HTR1F: variants seen among roughly 807,000 people sequenced by gnomAD.
HTR1F encodes 5-hydroxytryptamine (serotonin) receptor 1F, G protein-coupled.
In HTR1F, 17 loss-of-function variants were observed where a neutral mutation model predicts 24.0. The observed-to-expected ratio is 0.71, with a 90% CI of 0.48 to 1.06. HTR1F has a LOEUF of 1.06. HTR1F is among the 50% of genes least tolerant of loss of function. HTR1F has a pLI of 0.00. For missense variants in HTR1F, 391 were observed against 427.8 expected (o/e 0.91, Z 0.76); for synonymous variants, 186 against 156.8 (o/e 1.19, Z -1.39).
chr3:87,988,609 T>G (rs9855839), intron 2 of HTR1F, among the ~76,000 whole-genome samples: 90,840 of 152,054 alleles, frequency 0.6, 27,388 homozygotes, highest in South Asian at 0.73. Flanking sequence ...TTTGAGATGG[T>G]GTATCGCTCT....
At chr3:87,933,939 T>C (rs988846463) in intron 2 of HTR1F, among the ~76,000 whole-genome samples, 5 of 152,212 alleles carry the variant, frequency 3.3e-5, no homozygotes, top group Non-Finnish European at 7.3e-5. Context: ...GATCAGCCTA[T>C]ACATGTATTC....
intron 1 of HTR1F, among the ~76,000 whole-genome samples, chr3:87,814,387 G>A: frequency 6.6e-6 from 1 of 152,236 alleles, no homozygotes; most frequent in Non-Finnish European, 1.5e-5. Context: ...ATTCATTTGT[G>A]TTAAGAACTC....
At chr3:87,933,265 C>T (rs1423603512) in intron 2 of HTR1F, among the ~76,000 whole-genome samples, 1 of 151,180 alleles carries the variant, frequency 6.6e-6, no homozygotes, top group African/African-American at 2.4e-5. Context: ...TGGGCAAAAA[C>T]TGGAAGCATT....
At chr3:87,892,318 T>A (rs1406484478) in intron 2 of HTR1F, among the ~76,000 whole-genome samples, 2 of 152,190 alleles carry the variant, frequency 1.3e-5, no homozygotes, top group Non-Finnish European at 2.9e-5. Context: ...ACTGGCACTT[T>A]CCCTAGAAGA....
chr3:87,896,823 G>A (rs557946015), intron 2 of HTR1F, among the ~76,000 whole-genome samples: 11 of 152,132 alleles, frequency 7.2e-5, no homozygotes, highest in Non-Finnish European at 1.6e-4. Flanking sequence ...AAAAGATGCT[G>A]TACATCGCTA....
At chr3:87,888,443 T>G (rs1410045892) in intron 2 of HTR1F, among the ~76,000 whole-genome samples, 2 of 151,964 alleles carry the variant, frequency 1.3e-5, no homozygotes, top group Non-Finnish European at 2.9e-5. Flanking sequence ...ATTGTACACA[T>G]GTACCCTAGA....
chr3:87,852,280 A>C lies in HTR1F; in HGVS notation c.-43+30156A>C, dbSNP rs1705104002. Among the ~76,000 whole-genome samples, 2 of 151,522 alleles carry C rather than the reference A, an allele frequency of 1.3e-5. 1 individual carries two copies. Among genetic ancestry groups the C allele is most frequent in the African/African-American group, 4.9e-5 (2 of 41,140 alleles). Reference sequence around the variant, plus strand: ...TTTAGCTTTTATCATCTTCATTACAAATTTTGTATCAAGAATTCTTTATAT... The same window carrying C: ...TTTAGCTTTTATCATCTTCATTACACATTTTGTATCAAGAATTCTTTATAT... On this transcript the variant is annotated intron_variant, in intron 2 of 2. Coordinates refer to ENST00000319595, the MANE Select transcript of HTR1F (RefSeq NM_001322209.2).
At chr3:87,914,948 C>T (rs547265653) in intron 2 of HTR1F, among the ~76,000 whole-genome samples, 2 of 152,040 alleles carry the variant, frequency 1.3e-5, no homozygotes, top group African/African-American at 2.4e-5. Context: ...TATTTCACCC[C>T]CCTACCACCT....
chr3:87,940,286 C>T (rs12487603), intron 2 of HTR1F, among the ~76,000 whole-genome samples: 17,098 of 151,928 alleles, frequency 0.11, 1,189 homozygotes, highest in Non-Finnish European at 0.16. Context: ...TAAAGGCCTT[C>T]GATAAAACTC....
intron 2 of HTR1F, among the ~76,000 whole-genome samples, chr3:87,839,310 C>T (rs1216921210): frequency 1.3e-5 from 2 of 152,050 alleles, no homozygotes; most frequent in African/African-American, 2.4e-5. Flanking sequence ...TTTACCACCA[C>T]CATCTACTGA....
intron 1 of HTR1F, among the ~76,000 whole-genome samples, chr3:87,802,056 C>T: frequency 7.8e-6 from 1 of 127,588 alleles, no homozygotes; most frequent in Non-Finnish European, 1.6e-5. Flanking sequence ...TTCCTTCCTT[C>T]CTTTTCTTTC....
At chr3:87,799,010 A>G (rs1703952467) in intron 1 of HTR1F, among the ~76,000 whole-genome samples, 1 of 152,230 alleles carries the variant, frequency 6.6e-6, no homozygotes, top group Admixed American at 6.5e-5. Flanking sequence ...CAAAACAAAA[A>G]TAGGAAAAAA....
At chr3:87,913,535 A>G (rs1703826219) in intron 2 of HTR1F, among the ~76,000 whole-genome samples, 1 of 152,138 alleles carries the variant, frequency 6.6e-6, no homozygotes, top group South Asian at 2.1e-4. Context: ...TTCCTCAAAG[A>G]CCTAAAAATA....
chr3:87,956,493 T>C (rs939872848), intron 2 of HTR1F, among the ~76,000 whole-genome samples: 12 of 151,528 alleles, frequency 7.9e-5, no homozygotes, highest in African/African-American at 2.9e-4. Context: ...TACCTTTCCA[T>C]GTAAATTTTG....
rs192502973 is a variant in HTR1F at position 87,822,125 on chromosome 3, G to A, written c.-43+1G>A. On this transcript the variant is annotated splice_donor_variant, in intron 2 of 2. Coordinates refer to ENST00000319595, the MANE Select transcript of HTR1F (RefSeq NM_001322209.2). LOFTEE classifies it low-confidence loss of function (5UTR_SPLICE). ...CCACAATTCAATCTACCACAGTATG[G>A]TAAGCATTCCCAGCTTTAAACCATG... Among the ~76,000 whole-genome samples the A allele has an allele frequency of 6.6e-6, 1 of 152,180 alleles. No homozygotes were observed. The highest frequency in any genetic ancestry group is 1.5e-5 in the Non-Finnish European group (1 of 68,000).
At chr3:87,849,415 C>A (rs1005548969) in intron 2 of HTR1F, among the ~76,000 whole-genome samples, 15 of 151,892 alleles carry the variant, frequency 9.9e-5, no homozygotes, top group South Asian at 2.1e-4. Context: ...ATGTAGAAAG[C>A]TGAAACTGGA....
intron 2 of HTR1F, among the ~76,000 whole-genome samples, chr3:87,864,782 G>A (rs575002827): frequency 1.4e-4 from 21 of 151,756 alleles, no homozygotes; most frequent in East Asian, 1.9e-4. Flanking sequence ...TGTAATCCCC[G>A]CTACTTGGGA....
intron 2 of HTR1F, among the ~76,000 whole-genome samples, chr3:87,909,838 G>A (rs1302971674): frequency 6.6e-6 from 1 of 151,908 alleles, no homozygotes; most frequent in Non-Finnish European, 1.5e-5. Context: ...CCATTACACT[G>A]GCATGCAGGT....
intron 2 of HTR1F, among the ~76,000 whole-genome samples, chr3:87,873,127 C>G (rs540541621): frequency 0.031 from 4,478 of 144,096 alleles, 244 homozygotes; most frequent in African/African-American, 0.11. Context: ...CACACACACA[C>G]ACACACAGAG....
Sources: allele counts gnomAD v4.1 joint callset (sites outside exome capture counted in the v4.1 genomes callset), GRCh38; gene constraint gnomAD v4.1.1; transcripts MANE v1.5; gene names NCBI Gene and HGNC (gene_info 2026-07-23, HGNC 2026-07-21).